Variants in DIS3L2 observed in about 807,000 individuals in gnomAD.
DIS3L2 encodes DIS3 like 3'-5' exoribonuclease 2.
In DIS3L2, 34 loss-of-function variants were observed where a neutral mutation model predicts 97.5. The ratio of observed to expected loss-of-function variants is 0.35; its 90% confidence interval spans 0.27 to 0.46. The LOEUF (loss-of-function observed/expected upper bound fraction) is 0.46. DIS3L2 is among the 20% of genes least tolerant of loss of function. The probability of loss-of-function intolerance (pLI) is 1.00; values close to 1 mark genes in which losing one functional copy is unlikely to be tolerated. For synonymous variants in DIS3L2, 435 were observed against 445.2 expected (o/e 0.98, Z 0.29); for missense variants, 1,038 against 1,146.0 (o/e 0.91, Z 1.36).
chr2:231,990,602 A>G (rs1012010338), intron 1 of DIS3L2, among the ~76,000 whole-genome samples: 2 of 152,182 alleles, frequency 1.3e-5, no homozygotes, highest in Non-Finnish European at 2.9e-5. Flanking sequence ...TTTCCACCTT[A>G]TAACATTTTT....
chr2:232,195,756 G>A (rs1691735300), intron 9 of DIS3L2, among the ~76,000 whole-genome samples: 1 of 152,072 alleles, frequency 6.6e-6, no homozygotes, highest in East Asian at 1.9e-4. Context: ...CCTGCCTTGA[G>A]CATGAGCCTT....
At chr2:232,035,367 C>T (rs567504614) in intron 5 of DIS3L2, among the ~76,000 whole-genome samples, 1 of 152,276 alleles carries the variant, frequency 6.6e-6, no homozygotes, top group East Asian at 1.9e-4. Flanking sequence ...ATTCCTCCAT[C>T]CCTTTATATT....
At chr2:231,995,644 A>G (rs1458481322) in intron 1 of DIS3L2, among the ~76,000 whole-genome samples, 1 of 152,326 alleles carries the variant, frequency 6.6e-6, no homozygotes, top group Non-Finnish European at 1.5e-5. Flanking sequence ...CAGGGTCTCT[A>G]TAGCCTCAGT....
At chr2:232,021,556 C>A (rs1169770293) in intron 3 of DIS3L2, among the ~76,000 whole-genome samples, 1 of 151,234 alleles carries the variant, frequency 6.6e-6, no homozygotes, top group East Asian at 1.9e-4. Flanking sequence ...GAGTGACAGG[C>A]TAGGGTTGCT....
At chr2:232,002,856 T>C (rs970369028) in intron 1 of DIS3L2, among the ~76,000 whole-genome samples, 9 of 152,338 alleles carry the variant, frequency 5.9e-5, no homozygotes, top group Admixed American at 5.9e-4. Flanking sequence ...TATGTGTGTG[T>C]GTAACTCTTA....
rs1040795502 is a variant in DIS3L2, at chr2:232,292,987, C to G, written c.1660-7053C>G. Among the ~76,000 whole-genome samples the G allele has an allele frequency of 6.6e-6, 1 of 152,162 alleles. No individual in the cohort carries two copies. The highest frequency in any genetic ancestry group is 2.4e-5 in the African/African-American group (1 of 41,434). On this transcript the variant is annotated intron_variant, in intron 13 of 20. Transcript: ENST00000325385. This position sits in a 1 kb window ranked among gnomAD's most constrained non-coding sequence, Gnocchi z 4.4. ...CTCCTGCTTGACATGGCAGCTGCCTCTGGAGAGAGAAAGACCTTGTGAAGT... is the reference window on the plus strand; with the variant it reads ...CTCCTGCTTGACATGGCAGCTGCCTGTGGAGAGAGAAAGACCTTGTGAAGT...
chr2:232,248,259 C>T (rs1395747405), intron 11 of DIS3L2, among the ~76,000 whole-genome samples: 1 of 152,182 alleles, frequency 6.6e-6, no homozygotes, highest in Non-Finnish European at 1.5e-5. Flanking sequence ...TTCTCAGTTA[C>T]CTAGCATGGG....
At chr2:232,171,911 G>A (rs1170044791) in intron 9 of DIS3L2, among the ~76,000 whole-genome samples, 2 of 152,086 alleles carry the variant, frequency 1.3e-5, no homozygotes, top group Non-Finnish European at 2.9e-5. Flanking sequence ...GAACCAGGAG[G>A]AAAAATGCCT....
rs528482776 is a variant in DIS3L2 at position 232,126,723 on chromosome 2, A to G, written c.602-3896A>G. 3.3e-5 allele frequency among the ~76,000 whole-genome samples: 5 copies of G among 152,342 alleles called. No homozygotes were observed. In the East Asian group the frequency reaches 9.7e-4, roughly 29 times the overall value. On this transcript the variant is annotated intron_variant, in intron 6 of 20. Coordinates refer to ENST00000325385, the MANE Select transcript of DIS3L2 (RefSeq NM_152383.5). ...AAAAATTGGAGTTCTTTTTACTAGG[A>G]AAGAAGAGGCTGGATAATTGGGCAG...
chr2:232,267,874 G>A (rs544125560), intron 13 of DIS3L2, among the ~76,000 whole-genome samples: 13 of 152,212 alleles, frequency 8.5e-5, no homozygotes, highest in Admixed American at 2.6e-4. Flanking sequence ...TCTTAGCCAT[G>A]GCATTCAGAA....
intron 1 of DIS3L2, among the ~76,000 whole-genome samples, chr2:231,991,310 T>C (rs1693581148): frequency 6.6e-6 from 1 of 152,212 alleles, no homozygotes; most frequent in Middle Eastern, 3.2e-3. Flanking sequence ...TCTAACCCTG[T>C]CTCCTAGGCT....
intron 1 of DIS3L2, among the ~76,000 whole-genome samples, chr2:231,989,459 G>C (rs886657025): frequency 6.6e-6 from 1 of 151,752 alleles, no homozygotes; most frequent in African/African-American, 2.4e-5. Flanking sequence ...ATGTATGGTA[G>C]TTTCTTACAT....
chr2:232,145,019 C>CT (rs1257840296), intron 8 of DIS3L2, among the ~76,000 whole-genome samples: 1 of 152,146 alleles, frequency 6.6e-6, no homozygotes, highest in African/African-American at 2.4e-5. Flanking sequence ...TAACTTACTA[C>CT]TTTTTTCCCT....
At chr2:232,242,040 T>C (rs1693114673) in intron 11 of DIS3L2, among the ~76,000 whole-genome samples, 1 of 152,208 alleles carries the variant, frequency 6.6e-6, no homozygotes, top group Admixed American at 6.5e-5. Flanking sequence ...AGTTTTAAGA[T>C]GTTTCTTTCT....
intron 9 of DIS3L2, among the ~76,000 whole-genome samples, chr2:232,181,701 C>G: frequency 6.6e-6 from 1 of 151,944 alleles, no homozygotes; most frequent in Non-Finnish European, 1.5e-5. Flanking sequence ...TGCAGTGGTG[C>G]GATCTCAGCT....
chr2:232,161,271 C>T (rs1690642284), intron 8 of DIS3L2, among the ~76,000 whole-genome samples: 1 of 151,968 alleles, frequency 6.6e-6, no homozygotes, highest in Non-Finnish European at 1.5e-5. Flanking sequence ...CTGTCCTTCT[C>T]CTTACCTGGA....
intron 1 of DIS3L2, among the ~76,000 whole-genome samples, chr2:231,962,048 G>GTGAGGGGAGC (rs1264042708): frequency 1.3e-5 from 2 of 152,246 alleles, no homozygotes; most frequent in Non-Finnish European, 2.9e-5. Context: ...CTAGGATGGC[G>GTGAGGGGAGC]TGAGGGGAGC....
At chr2:232,001,177 G>A (rs1185086770) in intron 1 of DIS3L2, among the ~76,000 whole-genome samples, 1 of 152,132 alleles carries the variant, frequency 6.6e-6, no homozygotes, top group East Asian at 1.9e-4. Flanking sequence ...CACCAACAGT[G>A]TACAAGGGTT....
chr2:232,228,113 T>C (rs1010846763), intron 10 of DIS3L2, among the ~76,000 whole-genome samples: 9 of 152,078 alleles, frequency 5.9e-5, no homozygotes, highest in African/African-American at 4.8e-5. Flanking sequence ...ATTACAGGCA[T>C]GCACCACCAG....
Sources: allele counts gnomAD v4.1 joint callset (sites outside exome capture counted in the v4.1 genomes callset), GRCh38; gene constraint gnomAD v4.1.1; non-coding constraint Gnocchi (gnomAD v3.1); transcripts MANE v1.5; gene names NCBI Gene and HGNC (gene_info 2026-07-23, HGNC 2026-07-21).